The following XPR1 variants were observed in gnomAD, a reference collection of about 807,000 sequenced individuals.
The protein encoded by XPR1 is xenotropic and polytropic retrovirus receptor 1.
Under a neutral mutation model 87.5 loss-of-function variants are expected in XPR1, and 28 were observed. That is an observed-to-expected ratio of 0.32 (90% CI 0.24 to 0.44). The LOEUF is 0.44. Among genes scored for constraint, XPR1 ranks in the 20% least tolerant of loss-of-function variants. The pLI is 1.00. For missense variants in XPR1, 559 were observed against 862.3 expected, an observed-to-expected ratio of 0.65 and a Z score of 4.41; for synonymous variants, 300 against 306.1, an observed-to-expected ratio of 0.98 and a Z score of 0.21.
intron 1 of XPR1, among the ~76,000 whole-genome samples, chr1:180,655,954 TACAA>T (rs1367983245): frequency 6.6e-5 from 10 of 152,102 alleles, no homozygotes; most frequent in Admixed American, 5.9e-4. Flanking sequence ...TTCTCTCTCT[TACAA>T]ACAATCTAAT....
chr1:180,809,821 A>G (rs144317966), intron 6 of XPR1, among the ~76,000 whole-genome samples: 2 of 152,310 alleles, frequency 1.3e-5, no homozygotes, highest in East Asian at 1.9e-4. Flanking sequence ...TTTTGTATAT[A>G]TGATAAATTA....
chr1:180,817,539 C>T (rs545961969), intron 7 of XPR1, among the ~76,000 whole-genome samples: 1 of 152,172 alleles, frequency 6.6e-6, no homozygotes, highest in Non-Finnish European at 1.5e-5. Flanking sequence ...GAGACAAATA[C>T]TACCATTGTG....
chr1:180,778,476 C>T (rs908022341), intron 2 of XPR1, among the ~76,000 whole-genome samples: 6 of 152,166 alleles, frequency 3.9e-5, no homozygotes, highest in African/African-American at 1.2e-4. Flanking sequence ...GTTTCTCAGC[C>T]TTGATACTGT....
At chr1:180,819,564 G>A (rs1304292207) in intron 7 of XPR1, among the ~76,000 whole-genome samples, 1 of 152,144 alleles carries the variant, frequency 6.6e-6, no homozygotes, top group Non-Finnish European at 1.5e-5. Context: ...TTCTTCCTAT[G>A]TAGGACAGAA....
chr1:180,735,297 T>C (rs533134824), intron 2 of XPR1, among the ~76,000 whole-genome samples: 44 of 152,292 alleles, frequency 2.9e-4, no homozygotes, highest in Middle Eastern at 6.8e-3. Context: ...AAAAAAGATT[T>C]CCAATTAACA....
chr1:180,808,728 A>G (rs769838465), intron 6 of XPR1, among the ~76,000 whole-genome samples: 4 of 152,224 alleles, frequency 2.6e-5, no homozygotes, highest in African/African-American at 4.8e-5. Context: ...GGAAATGCCA[A>G]TTAAAACCAC....
chr1:180,697,370 T>C (rs1657205084), intron 2 of XPR1, among the ~76,000 whole-genome samples: 1 of 152,032 alleles, frequency 6.6e-6, no homozygotes. Context: ...ATGGTTAGTC[T>C]GACTAGTAGT....
chr1:180,830,253 G>A (rs374297305), intron 9 of XPR1, among the ~76,000 whole-genome samples: 61 of 152,236 alleles, frequency 4.0e-4, no homozygotes, highest in African/African-American at 1.3e-3. Flanking sequence ...TTTATCGGGC[G>A]CTTATGGTTG....
chr1:180,743,107 T>C (rs1658971428), intron 2 of XPR1, among the ~76,000 whole-genome samples: 1 of 152,062 alleles, frequency 6.6e-6, no homozygotes, highest in Admixed American at 6.5e-5. Flanking sequence ...TATGTTTAGA[T>C]AGGTCATTTA....
intron 1 of XPR1, among the ~76,000 whole-genome samples, chr1:180,640,379 T>TG (rs1172663419): frequency 6.6e-6 from 1 of 152,228 alleles, no homozygotes; most frequent in Non-Finnish European, 1.5e-5. Flanking sequence ...CGTTTCTAGA[T>TG]GGTGGAGACT....
intron 2 of XPR1, among the ~76,000 whole-genome samples, chr1:180,688,807 T>C (rs747082101): frequency 6.6e-6 from 1 of 152,208 alleles, no homozygotes; most frequent in Non-Finnish European, 1.5e-5. Context: ...GCTGTCTCAG[T>C]AATTTTATGG....
At chr1:180,637,779 A>G (rs539350168) in intron 1 of XPR1, among the ~76,000 whole-genome samples, 5 of 152,204 alleles carry the variant, frequency 3.3e-5, no homozygotes, top group East Asian at 1.9e-4. Flanking sequence ...GTCTCGAACT[A>G]CTGTTCTCAC....
rs529603348 is a variant in XPR1 at position 180,794,787 on chromosome 1, GTACA to G, written c.223+6935_223+6938del. On this transcript the variant is annotated intron_variant, in intron 3 of 14. Coordinates refer to ENST00000367590, the MANE Select transcript of XPR1 (RefSeq NM_004736.4). ...TATCCAGATGCACAGTGGTGTTAAA[GTACA>G]TGACATATTTGGGGATGAAGACAAT... Among the ~76,000 whole-genome samples the G allele has an allele frequency of 3.9e-5, 6 of 152,328 alleles. No individual in the cohort carries two copies. In the South Asian group the frequency reaches 1.2e-3, roughly 32 times the overall value.
At chr1:180,836,771 G>A in intron 11 of XPR1, 55 bp downstream of exon 11, 1 of 1,580,630 alleles carries the variant, frequency 6.3e-7, no homozygotes, top group Non-Finnish European at 8.6e-7. Context: ...TTTACTACCT[G>A]ACTCTATTTC....
rs141665940 is a variant in XPR1, at chr1:180,743,176, A to T, written c.122-44577A>T. ...GATCTACCATTTTGTTATTATTATT[A>T]TTTTTTTGCTTTTCCATATGTTTTC... is the stretch of plus-strand genomic sequence containing the variant. On this transcript the variant is annotated intron_variant, in intron 2 of 14. Transcript: ENST00000367590. 4.9e-3 allele frequency among the ~76,000 whole-genome samples: 668 copies of T among 136,830 alleles called. 1 individual carries two copies. The highest frequency in any genetic ancestry group is 7.8e-3 in the Non-Finnish European group (491 of 62,814). 89.8% of individuals were successfully genotyped at this position (136,830 alleles called of 152,430 possible). A position where few individuals can be genotyped will look rare whatever the true frequency, so the allele number is the denominator to read the frequency against.
chr1:180,858,908 C>T (rs1292086142), intron 11 of XPR1, among the ~76,000 whole-genome samples: 2 of 152,124 alleles, frequency 1.3e-5, no homozygotes, highest in African/African-American at 2.4e-5. Context: ...CAGTATTAAT[C>T]TGACAATTCA....
chr1:180,735,111 G>A (rs1658687018), intron 2 of XPR1, among the ~76,000 whole-genome samples: 1 of 152,172 alleles, frequency 6.6e-6, no homozygotes, highest in African/African-American at 2.4e-5. Flanking sequence ...TTGAAGTGCA[G>A]AAACACACTT....
rs950021668 is a variant in XPR1 at position 180,873,744 on chromosome 1, T to C, written c.1669-59T>C. On this transcript the variant is annotated intron_variant, in intron 12 of 14. Coordinates refer to ENST00000367590, the MANE Select transcript of XPR1 (RefSeq NM_004736.4). Reference sequence around the variant, plus strand: ...TGTTTGTAGGACATATGCTCATTGGTATGCCTATTTATGAGAAATGTGATA... The same window carrying C: ...TGTTTGTAGGACATATGCTCATTGGCATGCCTATTTATGAGAAATGTGATA... 3.2e-6 allele frequency: 5 copies of C among 1,576,556 alleles called. No individual in the cohort carries two copies. The Admixed American group carries it at 8.6e-5, about 27-fold the overall frequency.
chr1:180,866,759 T>G (rs1224499276), intron 12 of XPR1, among the ~76,000 whole-genome samples: 3 of 151,760 alleles, frequency 2.0e-5, no homozygotes, highest in Non-Finnish European at 4.4e-5. Context: ...TATCTAAAAT[T>G]GAGTAATCAA....
Sources: allele counts gnomAD v4.1 joint callset (sites outside exome capture counted in the v4.1 genomes callset), GRCh38; gene constraint gnomAD v4.1.1; transcripts MANE v1.5; gene names NCBI Gene and HGNC (gene_info 2026-07-23, HGNC 2026-07-21).